The following PKP2 variants were observed in gnomAD, a reference collection of about 807,000 sequenced individuals.
PKP2 encodes the protein plakophilin-2.
PKP2 carries 73 observed loss-of-function variants against 83.4 expected under a neutral mutation model. That is an observed-to-expected ratio of 0.88 (90% confidence interval 0.72 to 1.06). PKP2 has a LOEUF of 1.06. PKP2 is among the 50% of genes least tolerant of loss of function. The pLI is 0.00. For synonymous variants in PKP2, 409 were observed against 430.4 expected, an observed-to-expected ratio of 0.95 and a Z score of 0.62; for missense variants, 966 against 1,065.4, an observed-to-expected ratio of 0.91 and a Z score of 1.30.
At chr12:32,843,907 T>C (rs550943046) in intron 5 of PKP2, among the ~76,000 whole-genome samples, 3 of 152,338 alleles carry the variant, frequency 2.0e-5, no homozygotes, top group African/African-American at 4.8e-5. Flanking sequence ...AAAGCTTCTT[T>C]AGTCCTAAAT....
At chr12:32,824,637 AT>A (rs1265073548) in intron 6 of PKP2, among the ~76,000 whole-genome samples, 1 of 152,190 alleles carries the variant, frequency 6.6e-6, no homozygotes, top group Non-Finnish European at 1.5e-5. Flanking sequence ...GGTTTTCTAA[AT>A]TTCAGTATAA....
At chr12:32,851,938 C>T (rs564701803) in intron 4 of PKP2, among the ~76,000 whole-genome samples, 2 of 152,278 alleles carry the variant, frequency 1.3e-5, no homozygotes, top group South Asian at 4.1e-4. Context: ...AGAAAGGGCA[C>T]AACCAGGAAT....
intron 6 of PKP2, among the ~76,000 whole-genome samples, chr12:32,838,554 A>G (rs904998846): frequency 1.1e-4 from 17 of 152,030 alleles, no homozygotes; most frequent in African/African-American, 3.9e-4. Flanking sequence ...TATGTTTCCA[A>G]TTTCTGTTTG....
intron 9 of PKP2, among the ~76,000 whole-genome samples, chr12:32,806,686 T>TTGTGTGTGTGTGTGTG (rs140484431): frequency 2.3e-4 from 35 of 149,708 alleles, no homozygotes; most frequent in East Asian, 6.1e-4. Flanking sequence ...TTTGAAGGGT[T>TTGTGTGTGTGTGTGTG]TGTGTGTGTG....
intron 4 of PKP2, among the ~76,000 whole-genome samples, chr12:32,857,886 A>T (rs967495797): frequency 4.0e-5 from 6 of 150,486 alleles, no homozygotes; most frequent in Non-Finnish European, 8.8e-5. Context: ...AATTCCAGTA[A>T]TTTGTACTAC....
intron 3 of PKP2, among the ~76,000 whole-genome samples, chr12:32,876,731 T>C (rs1340134484): frequency 6.6e-6 from 1 of 152,212 alleles, no homozygotes; most frequent in Non-Finnish European, 1.5e-5. Flanking sequence ...GGTTTCATCA[T>C]GTTGCCCAGG....
intron 9 of PKP2, 39 bp from the exon 10 acceptor site, chr12:32,802,595 T>C (rs1956193028): frequency 6.3e-7 from 1 of 1,577,462 alleles, no homozygotes; most frequent in Admixed American, 1.7e-5. Context: ...CTATTGTATT[T>C]GATTTCACGA....
chr12:32,797,289 A>C (rs549919454), intron 10 of PKP2, among the ~76,000 whole-genome samples: 1 of 151,714 alleles, frequency 6.6e-6, no homozygotes, highest in African/African-American at 2.4e-5. Flanking sequence ...AAAATACAAA[A>C]ATTAGCTGGG....
At chr12:32,848,838 C>T (rs768146349) in intron 5 of PKP2, among the ~76,000 whole-genome samples, 3 of 151,660 alleles carry the variant, frequency 2.0e-5, no homozygotes, top group African/African-American at 4.8e-5. Flanking sequence ...AGACATAAAG[C>T]GAGTAGAGAT....
intron 9 of PKP2, among the ~76,000 whole-genome samples, chr12:32,813,051 T>A (rs1956290570): frequency 6.6e-6 from 1 of 152,090 alleles, no homozygotes; most frequent in African/African-American, 2.4e-5. Context: ...ACTAGAGAAA[T>A]AAAAAATTGT....
intron 4 of PKP2, chr12:32,863,088 T>A (rs1956815905): frequency 6.4e-6 from 1 of 156,232 alleles, no homozygotes; most frequent in Admixed American, 6.5e-5. Flanking sequence ...CTTCTAAATG[T>A]TCTAAATGGA....
At chr12:32,819,505 T>A (rs984172443) in intron 9 of PKP2, among the ~76,000 whole-genome samples, 1 of 152,056 alleles carries the variant, frequency 6.6e-6, no homozygotes, top group Non-Finnish European at 1.5e-5. Context: ...ACTTGGGCTC[T>A]TTATGGACCT....
At chr12:32,793,394 A>C (rs1173824992) in intron 11 of PKP2, among the ~76,000 whole-genome samples, 1 of 152,098 alleles carries the variant, frequency 6.6e-6, no homozygotes, top group African/African-American at 2.4e-5. Context: ...TTATAGAATA[A>C]AAATGCATGA....
intron 1 of PKP2, chr12:32,893,926 T>C (rs1356863525): frequency 6.8e-6 from 1 of 146,956 alleles, no homozygotes; most frequent in Non-Finnish European, 1.5e-5. Flanking sequence ...TTTTTTTTTT[T>C]TTTTTTTTTT....
Position 32,791,662 on chromosome 12 carries a change from TG to T in PKP2, c.*761del, listed in dbSNP as rs903706333. ...AGAAAAATCTCATTGACTCAGTGTT[TG>T]GGGGAACGTTAAATTTTATCATCAC... On this transcript the variant is annotated 3_prime_UTR_variant, in exon 13 of 13. Coordinates refer to ENST00000340811, the MANE Select transcript of PKP2 (RefSeq NM_001005242.3). 1 of 152,158 alleles carries T rather than the reference TG, an allele frequency of 6.6e-6. No homozygotes were observed. The highest frequency in any genetic ancestry group is 1.5e-5 in the Non-Finnish European group (1 of 68,044). 9.4% of individuals were successfully genotyped at this position (152,158 alleles called of 1,614,324 possible). A position where few individuals can be genotyped will look rare whatever the true frequency, so the allele number is the denominator to read the frequency against.
At chr12:32,825,460 C>A (rs1956429568) in intron 6 of PKP2, among the ~76,000 whole-genome samples, 1 of 152,126 alleles carries the variant, frequency 6.6e-6, no homozygotes, top group Non-Finnish European at 1.5e-5. Context: ...CGTGAGCTAC[C>A]ACGCCTGGCC....
intron 9 of PKP2, among the ~76,000 whole-genome samples, chr12:32,814,981 C>G (rs1056127153): frequency 2.0e-5 from 3 of 151,656 alleles, no homozygotes; most frequent in African/African-American, 7.3e-5. Context: ...TTATTTTTCT[C>G]TCACCCATCA....
chr12:32,861,365 A>G (rs919614961), intron 4 of PKP2, among the ~76,000 whole-genome samples: 1 of 152,232 alleles, frequency 6.6e-6, no homozygotes, highest in African/African-American at 2.4e-5. Flanking sequence ...TGTTAAATAG[A>G]AACATAGAAG....
At chr12:32,810,957 AGGCG>A (rs1299833631) in intron 9 of PKP2, among the ~76,000 whole-genome samples, 4 of 149,562 alleles carry the variant, frequency 2.7e-5, no homozygotes, top group East Asian at 2.0e-4. Flanking sequence ...CTGGGATTAC[AGGCG>A]TGAGCCACCG....
Sources: gnomAD v4.1 joint callset for allele counts (sites outside exome capture counted in the v4.1 genomes callset) on GRCh38, gnomAD v4.1.1 for gene constraint, MANE v1.5 for transcripts, NCBI Gene and HGNC (gene_info 2026-07-23, HGNC 2026-07-21) for gene names.